The following UNC79 variants were observed in gnomAD, a reference collection of about 807,000 sequenced individuals.
UNC79 encodes the protein unc-79 subunit of NALCN channel complex.
In UNC79, 37 loss-of-function variants were observed where a neutral mutation model predicts 283.1. The ratio of observed to expected loss-of-function variants is 0.13; its 90% CI spans 0.10 to 0.17. The LOEUF (loss-of-function observed/expected upper bound fraction) is 0.17, where lower values mean the gene tolerates loss of function less well. Among genes scored for constraint, UNC79 ranks in the 10% least tolerant of loss-of-function variants. UNC79 has a pLI of 1.00. For synonymous variants in UNC79, 1,107 were observed against 1,200.2 expected (o/e 0.92, Z 1.61); for missense variants, 2,272 against 3,211.1 (o/e 0.71, Z 7.07).
chr14:93,706,539 C>T (rs111535907), intron 48 of UNC79, among the ~76,000 whole-genome samples, 165 bp from the exon 52 acceptor site: 2 of 152,154 alleles, frequency 1.3e-5, no homozygotes, highest in Admixed American at 6.5e-5. Context: ...AAACACGGTG[C>T]GATCCCCCGC....
intron 30 of UNC79, among the ~76,000 whole-genome samples, chr14:93,624,125 G>T (rs577015526): frequency 6.6e-6 from 1 of 152,076 alleles, no homozygotes; most frequent in Non-Finnish European, 1.5e-5. Flanking sequence ...ACGTTTTCCC[G>T]CTGTTCCACA....
Position 93,422,324 on chromosome 14 carries a change from C to A in UNC79, c.-350-45347C>A, listed in dbSNP as rs368250646. 3.3e-5 allele frequency among the ~76,000 whole-genome samples: 5 copies of A among 151,504 alleles called. No individual in the cohort carries two copies. The South Asian group carries it at 1.1e-3, about 33-fold the overall frequency. On this transcript the variant is annotated intron_variant, in intron 1 of 49. Coordinates refer to the UNC79 transcript ENST00000256339. ...ACCGGGAATCAATAGAAAGGAATAT[C>A]TTGTTTACAATGATAAGAGGTTGTG...
At chr14:93,568,075 G>C (rs1306610102) in intron 14 of UNC79, among the ~76,000 whole-genome samples, 1 of 152,180 alleles carries the variant, frequency 6.6e-6, no homozygotes, top group Non-Finnish European at 1.5e-5. Flanking sequence ...ACTTTGAATA[G>C]AATGGGAGGC....
intron 7 of UNC79, among the ~76,000 whole-genome samples, chr14:93,517,323 C>T: frequency 2.8e-5 from 2 of 72,362 alleles, no homozygotes; most frequent in African/African-American, 4.7e-5. Context: ...TTCTATCCTT[C>T]TCTTTTTTTT....
intron 47 of UNC79, among the ~76,000 whole-genome samples, chr14:93,700,113 C>A (rs565964418): frequency 2.3e-4 from 34 of 150,316 alleles, no homozygotes; most frequent in Non-Finnish European, 4.1e-4. Flanking sequence ...ATTGCTCCTC[C>A]ATTGTCTTTT....
At chr14:93,509,976 A>G (rs1454390038) in intron 7 of UNC79, among the ~76,000 whole-genome samples, 1 of 151,992 alleles carries the variant, frequency 6.6e-6, no homozygotes, top group Non-Finnish European at 1.5e-5. Context: ...AGGCATTTCC[A>G]TACATCCTCT....
chr14:93,376,920 TTC>T (rs907792088), intron 1 of UNC79, among the ~76,000 whole-genome samples: 41 of 148,902 alleles, frequency 2.8e-4, no homozygotes, highest in Non-Finnish European at 4.9e-4. Context: ...TATTATAGCT[TTC>T]TCTCATGCAC....
At chr14:93,556,684 G>GA (rs57312780) in intron 14 of UNC79, among the ~76,000 whole-genome samples, 5 of 146,374 alleles carry the variant, frequency 3.4e-5, no homozygotes, top group Non-Finnish European at 6.0e-5. Flanking sequence ...AATTGACTGA[G>GA]AAAAAAAAAA....
chr14:93,361,237 GAAAA>G (rs1231020970), intron 1 of UNC79, among the ~76,000 whole-genome samples: 561 of 55,494 alleles, frequency 0.01, 6 homozygotes, highest in Non-Finnish European at 0.017. Context: ...AAAAAAAAAA[GAAAA>G]GAAAAGAAAA....
chr14:93,333,216 A>T (rs963599014), upstream of UNC79: 21 of 374,332 alleles, frequency 5.6e-5, no homozygotes, highest in Middle Eastern at 6.5e-4. Context: ...GTGCGCGCGC[A>T]TTATTTTTGC....
chr14:93,447,594 G>A (rs923759684), intron 1 of UNC79, among the ~76,000 whole-genome samples: 3 of 150,816 alleles, frequency 2.0e-5, no homozygotes, highest in Admixed American at 2.0e-4. Flanking sequence ...TTTTTTCTGA[G>A]GACTCAAGTT....
chr14:93,480,122 CA>C (rs889436485), intron 4 of UNC79, among the ~76,000 whole-genome samples: 2 of 152,104 alleles, frequency 1.3e-5, no homozygotes, highest in African/African-American at 4.8e-5. Flanking sequence ...ACACAGATCC[CA>C]AAACATGCCA....
At chr14:93,664,105 A>G (rs530160364) in intron 40 of UNC79, among the ~76,000 whole-genome samples, 14 of 152,272 alleles carry the variant, frequency 9.2e-5, no homozygotes, top group South Asian at 2.1e-4. Flanking sequence ...TTACTTGTAG[A>G]AAGCTTTAGT....
chr14:93,398,846 G>A (rs2055048565), intron 1 of UNC79, among the ~76,000 whole-genome samples: 1 of 152,164 alleles, frequency 6.6e-6, no homozygotes. Context: ...ACTGTGGCAT[G>A]TACCCACAGA....
intron 10 of UNC79, 84 bp downstream of exon 10, chr14:93,529,410 T>A: frequency 1.4e-6 from 2 of 1,462,970 alleles, no homozygotes; most frequent in South Asian, 1.2e-5. Flanking sequence ...ACTATTTTAT[T>A]TTACAAAGAC....
At chr14:93,683,343 T>C (rs1595057360) in intron 42 of UNC79, among the ~76,000 whole-genome samples, 1 of 152,124 alleles carries the variant, frequency 6.6e-6, no homozygotes, top group Non-Finnish European at 1.5e-5. Flanking sequence ...TTGATTGTGG[T>C]TGGGGAAAGG....
chr14:93,386,256 C>T (rs1203668673), intron 1 of UNC79, among the ~76,000 whole-genome samples: 1 of 152,102 alleles, frequency 6.6e-6, no homozygotes, highest in Admixed American at 6.6e-5. Context: ...TCATTCTGTT[C>T]ATATGATGTA....
intron 29 of UNC79, chr14:93,620,933 C>A: frequency 1.9e-6 from 1 of 518,446 alleles, no homozygotes; most frequent in Non-Finnish European, 3.9e-6. Flanking sequence ...TCATGATACA[C>A]CTACTGGACC....
At chr14:93,365,069 CAA>C (rs1169336988) in intron 1 of UNC79, among the ~76,000 whole-genome samples, 1 of 149,804 alleles carries the variant, frequency 6.7e-6, no homozygotes, top group East Asian at 2.0e-4. Context: ...CCTATCTCTA[CAA>C]AAAAAAACCT....
Sources: gnomAD v4.1 joint callset for allele counts (sites outside exome capture counted in the v4.1 genomes callset) on GRCh38, gnomAD v4.1.1 for gene constraint, MANE v1.5 for transcripts, NCBI Gene and HGNC (gene_info 2026-07-23, HGNC 2026-07-21) for gene names.